Variants in COL23A1 observed in about 807,000 individuals in gnomAD.
The protein encoded by COL23A1 is collagen alpha-1(XXIII) chain.
COL23A1 carries 97 observed loss-of-function variants against 99.3 expected under a neutral mutation model. The observed-to-expected ratio is 0.98, with a 90% CI of 0.83 to 1.16. The LOEUF (loss-of-function observed/expected upper bound fraction) is 1.16, where lower values mean the gene tolerates loss of function less well. Among genes scored for constraint, COL23A1 ranks in the 50% most tolerant of loss-of-function variants. The pLI is 0.00. For missense variants in COL23A1, 762 were observed against 757.4 expected (o/e 1.01, Z -0.07); for synonymous variants, 320 against 308.2 (o/e 1.04, Z -0.40).
chr5:178,519,847 TG>T (rs1466034947), intron 2 of COL23A1, among the ~76,000 whole-genome samples: 1 of 152,162 alleles, frequency 6.6e-6, no homozygotes, highest in Non-Finnish European at 1.5e-5. Context: ...GATGGTCAGA[TG>T]GATAGAGAGT....
intron 2 of COL23A1, among the ~76,000 whole-genome samples, chr5:178,322,228 G>A (rs1322970736): frequency 1.3e-5 from 2 of 151,978 alleles, no homozygotes; most frequent in Admixed American, 1.3e-4. Context: ...TCCTGACCTC[G>A]TGATCCGCCT....
chr5:178,472,769 C>A (rs985481760), intron 2 of COL23A1, among the ~76,000 whole-genome samples: 5 of 152,134 alleles, frequency 3.3e-5, no homozygotes, highest in Admixed American at 3.3e-4. Flanking sequence ...GAACAGTCAG[C>A]CCTCCATATC....
intron 7 of COL23A1, among the ~76,000 whole-genome samples, chr5:178,267,722 C>G (rs1019181445): frequency 6.6e-6 from 1 of 152,198 alleles, no homozygotes; most frequent in South Asian, 2.1e-4. Flanking sequence ...CAGCAATAGA[C>G]ACCAAGACAC....
intron 2 of COL23A1, among the ~76,000 whole-genome samples, chr5:178,464,136 T>C (rs72648839): frequency 0.091 from 13,885 of 152,262 alleles, 1,604 homozygotes; most frequent in East Asian, 0.52. Context: ...CGCGATACCT[T>C]GTGGCCATCA....
chr5:178,272,611 T>C (rs1220635389), intron 5 of COL23A1, among the ~76,000 whole-genome samples: 1 of 152,098 alleles, frequency 6.6e-6, no homozygotes, highest in East Asian at 1.9e-4. Context: ...TTCTAGTCCT[T>C]GCCATGAGCC....
chr5:178,436,944 C>T (rs1055794495), intron 2 of COL23A1, among the ~76,000 whole-genome samples: 1 of 152,206 alleles, frequency 6.6e-6, no homozygotes, highest in Non-Finnish European at 1.5e-5. Context: ...ATTGACAGAA[C>T]GCATTCAGAG....
chr5:178,353,113 A>G (rs1420406664), intron 2 of COL23A1, among the ~76,000 whole-genome samples: 1 of 152,366 alleles, frequency 6.6e-6, no homozygotes, highest in East Asian at 1.9e-4. Context: ...GAATCACTGC[A>G]GCGTCACGTT....
At chr5:178,432,975 A>G (rs1193574236) in intron 2 of COL23A1, among the ~76,000 whole-genome samples, 1 of 152,046 alleles carries the variant, frequency 6.6e-6, no homozygotes, top group African/African-American at 2.4e-5. Context: ...GTAGCCCTGG[A>G]CTGCTGAGAC....
chr5:178,576,907 G>A (rs1017702957), intron 1 of COL23A1, among the ~76,000 whole-genome samples: 24 of 151,772 alleles, frequency 1.6e-4, no homozygotes, highest in Admixed American at 1.1e-3. Flanking sequence ...GAGCAGCGCG[G>A]CGCTGGCCGC....
intron 2 of COL23A1, among the ~76,000 whole-genome samples, chr5:178,352,476 C>T (rs1228519473): frequency 6.6e-6 from 1 of 152,148 alleles, no homozygotes; most frequent in East Asian, 1.9e-4. Flanking sequence ...AGAGCAACTG[C>T]GCTTACAATT....
chr5:178,471,477 G>T (rs1288892665), intron 2 of COL23A1, among the ~76,000 whole-genome samples: 1 of 152,102 alleles, frequency 6.6e-6, no homozygotes, highest in Admixed American at 6.5e-5. Flanking sequence ...GACCTCAGGT[G>T]ATCTACCCGC....
At position 178,255,843 on chromosome 5, in the gene COL23A1, T is replaced by C; in HGVS notation, c.882+510A>G. The C allele has an allele frequency of 2.4e-6, 1 of 412,704 alleles. No homozygotes were observed. The highest frequency in any genetic ancestry group is 5.0e-6 in the Non-Finnish European group (1 of 201,602). 25.6% of individuals were successfully genotyped at this position (412,704 alleles called of 1,614,324 possible). On this transcript the variant is annotated intron_variant, in intron 15 of 28. Coordinates refer to ENST00000390654, the MANE Select transcript of COL23A1 (RefSeq NM_173465.4). The surrounding 1 kb of genome is among the most constrained non-coding windows in gnomAD (Gnocchi z 4.2). ...TTTTTTGGAGGAAGAAGCCAGCCTC[T>C]GGGAGCATGAGGAGACAGAGCCGAG...
intron 2 of COL23A1, among the ~76,000 whole-genome samples, chr5:178,320,521 C>A (rs1476719807): frequency 3.3e-5 from 5 of 152,220 alleles, no homozygotes; most frequent in Non-Finnish European, 5.9e-5. Context: ...ATGCTGAGGT[C>A]TGAGGAAGCC....
intron 2 of COL23A1, among the ~76,000 whole-genome samples, chr5:178,485,779 C>CAAAAAA (rs528117830): frequency 3.0e-5 from 3 of 99,366 alleles, no homozygotes; most frequent in African/African-American, 8.3e-5. Flanking sequence ...GACTCCATCT[C>CAAAAAA]AAAAAAAAAA....
intron 2 of COL23A1, among the ~76,000 whole-genome samples, chr5:178,364,928 G>A (rs1205145825): frequency 6.6e-6 from 1 of 152,210 alleles, no homozygotes; most frequent in East Asian, 1.9e-4. Context: ...CAGTGCCTGG[G>A]GCTGAACTGG....
chr5:178,379,329 A>G (rs903713614), intron 2 of COL23A1, among the ~76,000 whole-genome samples: 1 of 152,174 alleles, frequency 6.6e-6, no homozygotes, highest in Admixed American at 6.5e-5. Context: ...GAAAAGTGAA[A>G]CAAGCAGAAA....
At chr5:178,394,773 G>T (rs1359606371) in intron 2 of COL23A1, among the ~76,000 whole-genome samples, 1 of 133,138 alleles carries the variant, frequency 7.5e-6, no homozygotes, top group Non-Finnish European at 1.8e-5. Flanking sequence ...ACATAGCAGG[G>T]CTAGAATTAC....
At chr5:178,338,534 G>A (rs1760473948) in intron 2 of COL23A1, among the ~76,000 whole-genome samples, 1 of 152,168 alleles carries the variant, frequency 6.6e-6, no homozygotes, top group Admixed American at 6.5e-5. Flanking sequence ...CCCAAGAATG[G>A]GGGTAGCTCC....
At chr5:178,476,572 C>G (rs529171555) in intron 2 of COL23A1, among the ~76,000 whole-genome samples, 85 of 152,298 alleles carry the variant, frequency 5.6e-4, no homozygotes, top group African/African-American at 2.0e-3. Flanking sequence ...GAAGAGAATA[C>G]AAAGCGTGTG....
Sources: gnomAD v4.1 joint callset for allele counts (sites outside exome capture counted in the v4.1 genomes callset) on GRCh38, gnomAD v4.1.1 for gene constraint, Gnocchi (gnomAD v3.1) non-coding constraint, MANE v1.5 for transcripts, NCBI Gene and HGNC (gene_info 2026-07-23, HGNC 2026-07-21) for gene names.